The following SPRR2E variants were observed in gnomAD, a reference collection of about 807,000 sequenced individuals.
SPRR2E encodes the protein small proline rich protein 2E.
For synonymous variants in SPRR2E, 20 were observed against 32.2 expected (o/e 0.62, Z 1.28); for missense variants, 68 against 87.1 (o/e 0.78, Z 0.87).
In SPRR2E at chr1:153,093,339, A is replaced by T. The variant is rs898558287; in HGVS notation, c.*194T>A. ...ACTTCCTTTCTCAGTCTCCACCTGGACAGTGGCAATATGGCAGCCTCAGAA... is the reference window on the plus strand; with the variant it reads ...ACTTCCTTTCTCAGTCTCCACCTGGTCAGTGGCAATATGGCAGCCTCAGAA... On this transcript the variant is annotated 3_prime_UTR_variant, in exon 2 of 2. Transcript: ENST00000368750. 2.8e-6 allele frequency: 3 copies of T among 1,080,470 alleles called. No individual in the cohort carries two copies. In the African/African-American group the frequency reaches 4.8e-5, roughly 17 times the overall value. 66.9% of individuals were successfully genotyped at this position (1,080,470 alleles called of 1,614,324 possible).
chr1:153,093,217 G>C lies in SPRR2E; in HGVS notation c.*316C>G. On this transcript the variant is annotated 3_prime_UTR_variant, in exon 2 of 2. Coordinates refer to ENST00000368750, the MANE Select transcript of SPRR2E (RefSeq NM_001024209.4). ...GTTAGAAGCCCATGCCCAGGTGACA[G>C]ACAGACACAGAAAACATCAACAGCA... The C allele has an allele frequency of 2.2e-6, 1 of 457,234 alleles. No homozygotes were observed. Among genetic ancestry groups the C allele is most frequent in the Non-Finnish European group, 3.8e-6 (1 of 262,546 alleles). 28.3% of individuals were successfully genotyped at this position (457,234 alleles called of 1,614,324 possible). A position where few individuals can be genotyped will look rare whatever the true frequency, so the allele number is the denominator to read the frequency against.
At position 153,093,505 on chromosome 1, in the gene SPRR2E, T is replaced by G. The variant is rs79114905; in HGVS notation, c.*28A>C. 4 of 1,606,206 alleles carry G rather than the reference T, an allele frequency of 2.5e-6. No individual in the cohort carries two copies. Among genetic ancestry groups the G allele is most frequent in the Non-Finnish European group, 3.4e-6 (4 of 1,176,690 alleles). On this transcript the variant is annotated 3_prime_UTR_variant, in exon 2 of 2. Coordinates refer to ENST00000368750, the MANE Select transcript of SPRR2E (RefSeq NM_001024209.4). ...AAGGTGAGCCAATTATCCTTATCCTTTCATGCTCCTGATGAATTCTGAAGC... is the reference window on the plus strand; with the variant it reads ...AAGGTGAGCCAATTATCCTTATCCTGTCATGCTCCTGATGAATTCTGAAGC...
Position 153,093,601 on chromosome 1 carries a change from G to T in SPRR2E, c.151C>A (p.Gln51Lys). Residue 51 changes from glutamine to lysine, a missense_variant, in exon 2 of 2, where the codon CAG becomes AAG. By Grantham distance (53) the Gln-to-Lys change is moderately conservative (BLOSUM62 1). Coordinates refer to ENST00000368750, the MANE Select transcript of SPRR2E (RefSeq NM_001024209.4). ...GGTGTCACAGGAGGACATTTTTGCT[G>T]GCACTGCTGAGGTGGGCAGGGCTGT... Reference protein sequence around the residue: ...CPQPCPPQQCQQKCPPVTPSP... With the variant: ...CPQPCPPQQCKQKCPPVTPSP... 1 of 1,612,866 alleles carries T rather than the reference G, an allele frequency of 6.2e-7. No individual in the cohort carries two copies. Among genetic ancestry groups the T allele is most frequent in the East Asian group, 2.2e-5 (1 of 44,866 alleles).
intron 1 of SPRR2E, among the ~76,000 whole-genome samples, 199 bp downstream of exon 1, chr1:153,094,285 G>T (rs763252777): frequency 6.6e-6 from 1 of 152,200 alleles, no homozygotes; most frequent in Non-Finnish European, 1.5e-5. Flanking sequence ...TAACTTCTCT[G>T]TCCATATGGA....
chr1:153,093,721 G>T lies in SPRR2E; in HGVS notation c.31C>A (p.Pro11Thr), dbSNP rs778926662. 6.2e-7 allele frequency: 1 copy of T among 1,612,162 alleles called. No individual in the cohort carries two copies. Among genetic ancestry groups the T allele is most frequent in the Non-Finnish European group, 8.5e-7 (1 of 1,179,870 alleles). MSYQQQQCKQPCQPPPVCPTP... is the reference protein window; with the variant it reads MSYQQQQCKQTCQPPPVCPTP... The stretch of plus-strand genomic sequence containing the variant: ...GGGCACACAGGAGGTGGCTGGCAGG[G>T]CTGCTTGCACTGCTGCTGTTGATAA... Residue 11 changes from proline to threonine, a missense_variant, in exon 2 of 2, where the codon CCC becomes ACC. Transcript: ENST00000368750.
At chr1:153,093,791 G>A in intron 1 of SPRR2E, 21 bp from the exon 2 acceptor site, 1 of 1,610,742 alleles carries the variant, frequency 6.2e-7, no homozygotes, top group Middle Eastern at 2.2e-4. Flanking sequence ...TGATATGACA[G>A]TGTTCACAGG....
At position 153,093,326 on chromosome 1, in the gene SPRR2E, A is replaced by T. The variant is rs922251045; in HGVS notation, c.*207T>A. 2.1e-6 allele frequency: 2 copies of T among 965,554 alleles called. No homozygotes were observed. Among genetic ancestry groups the T allele is most frequent in the Admixed American group, 6.0e-5 (2 of 33,110 alleles). The allele number at this position is 965,554 out of a possible 1,614,324, so 59.8% of individuals were successfully genotyped here. ...GACACTGCTGAGGACTTCCTTTCTC[A>T]GTCTCCACCTGGACAGTGGCAATAT... On this transcript the variant is annotated 3_prime_UTR_variant, in exon 2 of 2. Coordinates refer to ENST00000368750, the MANE Select transcript of SPRR2E (RefSeq NM_001024209.4).
intron 1 of SPRR2E, among the ~76,000 whole-genome samples, chr1:153,094,135 T>C (rs1051819718): frequency 2.0e-5 from 3 of 152,246 alleles, no homozygotes; most frequent in East Asian, 3.9e-4. Flanking sequence ...GTGGGTTGAC[T>C]TGGGCACAGA....
chr1:153,093,833 T>C (rs1193006677), intron 1 of SPRR2E, 63 bp from the exon 2 acceptor site: 1 of 1,604,244 alleles, frequency 6.2e-7, no homozygotes, highest in East Asian at 2.2e-5. Context: ...AAGCCAAAGC[T>C]TATGTAATAC....
rs76158324 is a variant in SPRR2E, at chr1:153,093,552, C to T, written c.200G>A (p.Cys67Tyr). ...VTPSPPCQPK[C>Y]PPKSK is the part of the protein sequence containing the mutation. ...AAGCTGTTACTTGCTCTTGGGTGGA[C>T]ACTTTGGCTGGCAGGGTGGGGAAGG... is the stretch of plus-strand genomic sequence containing the variant. The change falls in exon 2 of 2, where the codon TGT becomes TAT. Residue 67 changes from cysteine to tyrosine, a missense_variant. By Grantham distance (194) the Cys-to-Tyr change is radical. Transcript: ENST00000368750. The T allele has an allele frequency of 8.1e-6, 13 of 1,612,010 alleles. No homozygotes were observed. The highest frequency in any genetic ancestry group is 1.3e-5 in the African/African-American group (1 of 74,748).
At position 153,093,777 on chromosome 1, in the gene SPRR2E, G is replaced by A. The variant is rs771652456; in HGVS notation, c.-19-7C>T. ...CCTGCTGGAGTCTCAGAATCTGAAA[G>A]AAATGATATGACAGTGTTCACAGGA... On this transcript the variant is annotated splice_polypyrimidine_tract_variant and splice_region_variant and intron_variant, in intron 1 of 1. Transcript: ENST00000368750. 1 of 1,611,262 alleles carries A rather than the reference G, an allele frequency of 6.2e-7. No homozygotes were observed. Among genetic ancestry groups the A allele is most frequent in the Admixed American group, 1.7e-5 (1 of 60,006 alleles).
At chr1:153,093,811 C>T in intron 1 of SPRR2E, 41 bp from the exon 2 acceptor site, 2 of 1,609,490 alleles carry the variant, frequency 1.2e-6, no homozygotes, top group Middle Eastern at 2.3e-4. Context: ...GAATGGACTC[C>T]TCCAGAGAGA....
Position 153,093,137 on chromosome 1 carries a change from C to A in SPRR2E, c.*396G>T. On this transcript the variant is annotated 3_prime_UTR_variant, in exon 2 of 2. Transcript: ENST00000368750. ...GAAACAAAAGATCCATTCACAAATA[C>A]GTATGCAAAGATATTTTATTCAGGG... The A allele has an allele frequency of 3.4e-6, 1 of 295,968 alleles. No individual in the cohort carries two copies. The highest frequency in any genetic ancestry group is 1.1e-4 in the South Asian group (1 of 9,026). The allele number at this position is 295,968 out of a possible 1,614,324, so 18.3% of individuals were successfully genotyped here.
At chr1:153,094,001 A>G (rs992523752) in intron 1 of SPRR2E, among the ~76,000 whole-genome samples, 3 of 152,234 alleles carry the variant, frequency 2.0e-5, no homozygotes, top group African/African-American at 4.8e-5. Context: ...AAACATCTCT[A>G]TAATAAAGAA....
In SPRR2E at chr1:153,093,461, G is replaced by A; in HGVS notation, c.*72C>T. 1 of 1,565,650 alleles carries A rather than the reference G, an allele frequency of 6.4e-7. No homozygotes were observed. Among genetic ancestry groups the A allele is most frequent in the East Asian group, 2.2e-5 (1 of 44,548 alleles). On this transcript the variant is annotated 3_prime_UTR_variant, in exon 2 of 2. Transcript: ENST00000368750. ...CCATGGTAGGCTTTGATGAGAAGAT[G>A]CAGGTGAAGCTGTGGAACAAGGTGA...
Position 153,093,408 on chromosome 1 carries a change from GC to G in SPRR2E, c.*124del. 6.7e-7 allele frequency: 1 copy of G among 1,501,736 alleles called. No individual in the cohort carries two copies. The highest frequency in any genetic ancestry group is 9.0e-7 in the Non-Finnish European group (1 of 1,115,572). The allele number at this position is 1,501,736 out of a possible 1,614,324, so 93.0% of individuals were successfully genotyped here. On this transcript the variant is annotated 3_prime_UTR_variant, in exon 2 of 2. Coordinates refer to ENST00000368750, the MANE Select transcript of SPRR2E (RefSeq NM_001024209.4). The stretch of plus-strand genomic sequence containing the variant: ...AGGGATCATCATGGGCAGATCACTG[GC>G]TAAGAGGAAAGAAGCTAACTGTGTA...
In SPRR2E at chr1:153,093,308, C is replaced by A. The variant is rs1230197558; in HGVS notation, c.*225G>T. 4 of 827,204 alleles carry A rather than the reference C, an allele frequency of 4.8e-6. No homozygotes were observed. In the African/African-American group the frequency reaches 6.9e-5, roughly 14 times the overall value. 51.2% of individuals were successfully genotyped at this position (827,204 alleles called of 1,614,324 possible). On this transcript the variant is annotated 3_prime_UTR_variant, in exon 2 of 2. Coordinates refer to ENST00000368750, the MANE Select transcript of SPRR2E (RefSeq NM_001024209.4). Reference sequence around the variant, plus strand: ...TCCAAAGCTCTGGGAACTGACACTGCTGAGGACTTCCTTTCTCAGTCTCCA... The same window carrying A: ...TCCAAAGCTCTGGGAACTGACACTGATGAGGACTTCCTTTCTCAGTCTCCA...
At chr1:153,094,342 T>C (rs1324016524) in intron 1 of SPRR2E, 142 bp downstream of exon 1, 1 of 160,770 alleles carries the variant, frequency 6.2e-6, no homozygotes, top group Admixed American at 5.6e-5. Context: ...CACTGTATCA[T>C]GTAATCTAAT....
chr1:153,093,367 G>A lies in SPRR2E; in HGVS notation c.*166C>T, dbSNP rs2101622169. On this transcript the variant is annotated 3_prime_UTR_variant, in exon 2 of 2. Coordinates refer to ENST00000368750, the MANE Select transcript of SPRR2E (RefSeq NM_001024209.4). ...GTGGCAATATGGCAGCCTCAGAAAG[G>A]AAACCTTTTGCTATCAGGGATCATC... is the stretch of plus-strand genomic sequence containing the variant. 1.5e-6 allele frequency: 2 copies of A among 1,351,572 alleles called. No homozygotes were observed. The highest frequency in any genetic ancestry group is 2.7e-5 in the Admixed American group (1 of 37,254). The allele number at this position is 1,351,572 out of a possible 1,614,324, so 83.7% of individuals were successfully genotyped here. A position where few individuals can be genotyped will look rare whatever the true frequency, so the allele number is the denominator to read the frequency against.
Sources: allele counts gnomAD v4.1 joint callset (sites outside exome capture counted in the v4.1 genomes callset), GRCh38; gene constraint gnomAD v4.1.1; transcripts MANE v1.5; gene names NCBI Gene and HGNC (gene_info 2026-07-23, HGNC 2026-07-21).